SLC24A2: variants seen among roughly 807,000 people sequenced by gnomAD.
The protein encoded by SLC24A2 is solute carrier family 24 member 2.
Under a neutral mutation model 62.0 loss-of-function variants are expected in SLC24A2, and 36 were observed. That is an observed-to-expected ratio of 0.58 (90% CI 0.44 to 0.77). The LOEUF (loss-of-function observed/expected upper bound fraction) is 0.77. Among genes scored for constraint, SLC24A2 ranks in the 30% least tolerant of loss-of-function variants. SLC24A2 has a pLI of 0.00. For synonymous variants in SLC24A2, 358 were observed against 294.0 expected, an observed-to-expected ratio of 1.22 and a Z score of -2.23; for missense variants, 846 against 817.9, an observed-to-expected ratio of 1.03 and a Z score of -0.42.
the SLC24A2 span, among the ~76,000 whole-genome samples, chr9:20,238,079 A>T: frequency 1.3e-5 from 2 of 152,284 alleles, no homozygotes; most frequent in East Asian, 3.9e-4. Context: ...CTGGAAACTG[A>T]CATGTGGGTG....
intron 7 of SLC24A2, among the ~76,000 whole-genome samples, chr9:19,556,397 G>A (rs1295090675): frequency 1.3e-5 from 2 of 152,178 alleles, no homozygotes; most frequent in African/African-American, 2.4e-5. Flanking sequence ...TGTCTGTGAA[G>A]GGCACTGAGC....
the SLC24A2 span, chr9:19,896,076 C>G: frequency 6.0e-4 from 495 of 825,100 alleles, no homozygotes; most frequent in Non-Finnish European, 8.4e-4. Context: ...ATCGAGGAGG[C>G]AGTGATGCCT....
the SLC24A2 span, among the ~76,000 whole-genome samples, chr9:19,834,505 T>G: frequency 0.022 from 3,293 of 151,012 alleles, 57 homozygotes; most frequent in Non-Finnish European, 0.032. Context: ...TGAAATGAAG[T>G]GTGAAGAGAA....
At chr9:20,209,645 C>A in the SLC24A2 span, among the ~76,000 whole-genome samples, 18 of 152,178 alleles carry the variant, frequency 1.2e-4, no homozygotes, top group Non-Finnish European at 2.5e-4. Flanking sequence ...CATCCAGCAA[C>A]GCCTTGAAAC....
the SLC24A2 span, among the ~76,000 whole-genome samples, chr9:20,280,369 G>A: frequency 6.6e-6 from 1 of 152,256 alleles, no homozygotes; most frequent in African/African-American, 2.4e-5. Flanking sequence ...CCTCTAGATT[G>A]AAGCAGCTTC....
intron 8 of SLC24A2, 129 bp from the exon 9 acceptor site, chr9:19,528,267 C>A: frequency 1.4e-6 from 1 of 713,698 alleles, no homozygotes; most frequent in Admixed American, 2.0e-5. Context: ...GATTGGCAAT[C>A]AAAAGACCCT....
intron 2 of SLC24A2, among the ~76,000 whole-genome samples, chr9:19,752,726 A>AT (rs1822022607): frequency 1.3e-5 from 2 of 152,316 alleles, no homozygotes; most frequent in Non-Finnish European, 2.9e-5. Flanking sequence ...GGGAGAATGA[A>AT]TCTATGTGTA....
the SLC24A2 span, among the ~76,000 whole-genome samples, chr9:19,924,141 T>G: frequency 6.6e-6 from 1 of 152,204 alleles, no homozygotes; most frequent in South Asian, 2.1e-4. Context: ...GCTGTACAAT[T>G]TCTTTAAGGA....
chr9:20,287,874 A>G, the SLC24A2 span, among the ~76,000 whole-genome samples: 2 of 152,246 alleles, frequency 1.3e-5, no homozygotes, highest in Non-Finnish European at 2.9e-5. Flanking sequence ...ATATTGGCTG[A>G]TACTCAAATT....
the SLC24A2 span, among the ~76,000 whole-genome samples, chr9:20,244,723 T>C: frequency 1.3e-5 from 2 of 152,352 alleles, no homozygotes; most frequent in African/African-American, 2.4e-5. Context: ...GAAATTATGA[T>C]GGGGAAGCAT....
the SLC24A2 span, among the ~76,000 whole-genome samples, chr9:20,234,944 A>C: frequency 6.6e-6 from 1 of 152,204 alleles, no homozygotes; most frequent in East Asian, 1.9e-4. Context: ...TCCTTCTAAC[A>C]GACAGGACCC....
At chr9:19,674,982 C>T (rs956724710) in intron 2 of SLC24A2, among the ~76,000 whole-genome samples, 10 of 152,146 alleles carry the variant, frequency 6.6e-5, no homozygotes, top group Admixed American at 1.3e-4. Context: ...TATTTGAGTA[C>T]ACTATGTCAG....
intron 2 of SLC24A2, among the ~76,000 whole-genome samples, chr9:19,624,375 C>T (rs1039897836): frequency 2.6e-5 from 4 of 151,960 alleles, no homozygotes; most frequent in Non-Finnish European, 5.9e-5. Context: ...AGGGCAGAAA[C>T]GTCACCAGCT....
the SLC24A2 span, among the ~76,000 whole-genome samples, chr9:19,933,633 G>A: frequency 6.6e-6 from 1 of 152,222 alleles, no homozygotes; most frequent in South Asian, 2.1e-4. Context: ...ATATTAAAAA[G>A]AAATAAAACA....
the SLC24A2 span, among the ~76,000 whole-genome samples, chr9:20,104,958 A>G: frequency 2.6e-5 from 4 of 152,236 alleles, no homozygotes; most frequent in African/African-American, 9.6e-5. Context: ...AACCCATCTC[A>G]TGTGCAGAGA....
At chr9:20,279,930 C>A in the SLC24A2 span, among the ~76,000 whole-genome samples, 1 of 152,128 alleles carries the variant, frequency 6.6e-6, no homozygotes, top group Non-Finnish European at 1.5e-5. Flanking sequence ...TCAGTAAAAC[C>A]ACTGAGGATC....
chr9:19,516,074 T>C lies in SLC24A2; in HGVS notation c.*79A>G. ...CCAGGGCTGTGTGCCAGCTGCCTCT[T>C]CTCAAGAGGTCAAGGAGCCCAGAGC... On this transcript the variant is annotated 3_prime_UTR_variant, in exon 11 of 11. Coordinates refer to ENST00000341998, the MANE Select transcript of SLC24A2 (RefSeq NM_020344.4). 6.3e-7 allele frequency: 1 copy of C among 1,582,568 alleles called. No homozygotes were observed. The highest frequency in any genetic ancestry group is 1.1e-5 in the South Asian group (1 of 89,768).
the SLC24A2 span, among the ~76,000 whole-genome samples, chr9:19,878,091 T>C: frequency 6.6e-6 from 1 of 152,092 alleles, no homozygotes; most frequent in Non-Finnish European, 1.5e-5. Flanking sequence ...AGATCCAGAG[T>C]GCTCCAGTCA....
chr9:20,114,558 G>C, the SLC24A2 span, among the ~76,000 whole-genome samples: 1 of 152,144 alleles, frequency 6.6e-6, no homozygotes, highest in African/African-American at 2.4e-5. Flanking sequence ...AAGTTCCAAG[G>C]AGAAATATTT....
Sources: allele counts gnomAD v4.1 joint callset (sites outside exome capture counted in the v4.1 genomes callset), GRCh38; gene constraint gnomAD v4.1.1; transcripts MANE v1.5; gene names NCBI Gene and HGNC (gene_info 2026-07-23, HGNC 2026-07-21).